The following RNASEH2B variants were observed in gnomAD, a reference collection of about 807,000 sequenced individuals.
The protein encoded by RNASEH2B is Aicardi-Goutieres syndrome 2 protein.
Under a neutral mutation model 45.0 loss-of-function variants are expected in RNASEH2B, and 36 were observed. The observed-to-expected ratio is 0.80, with a 90% CI of 0.61 to 1.06. RNASEH2B has a LOEUF of 1.06. Ranked by LOEUF, RNASEH2B falls within the 50% of genes least tolerant of loss-of-function variation. RNASEH2B has a pLI of 0.00. For synonymous variants in RNASEH2B, 119 were observed against 125.7 expected, an observed-to-expected ratio of 0.95 and a Z score of 0.35; for missense variants, 361 against 360.3, an observed-to-expected ratio of 1.00 and a Z score of -0.02.
intron 1 of RNASEH2B, chr13:50,910,362 C>T (rs900760947): frequency 1.3e-5 from 5 of 389,964 alleles, no homozygotes; most frequent in Non-Finnish European, 2.3e-5. Flanking sequence ...TTTCCCGGGC[C>T]CTGATCCCCG....
At chr13:50,966,885 A>G (rs1952170053) in intron 9 of RNASEH2B, among the ~76,000 whole-genome samples, 1 of 152,220 alleles carries the variant, frequency 6.6e-6, no homozygotes. Flanking sequence ...GTGAACAAAT[A>G]TCTTAATCTT....
chr13:50,918,172 C>T (rs1278106344), intron 1 of RNASEH2B, among the ~76,000 whole-genome samples: 1 of 152,100 alleles, frequency 6.6e-6, no homozygotes, highest in Non-Finnish European at 1.5e-5. Context: ...GAGTCTCACT[C>T]TGTCGCCCAG....
At chr13:50,966,514 A>ATT in intron 9 of RNASEH2B, among the ~76,000 whole-genome samples, 1 of 148,006 alleles carries the variant, frequency 6.8e-6, no homozygotes, top group African/African-American at 2.5e-5. Context: ...CAAGCCATAT[A>ATT]TTTTTTTTTT....
rs777026347 is a variant in RNASEH2B, at chr13:50,947,939, A to G, written c.617-48A>G. On this transcript the variant is annotated intron_variant, in intron 7 of 10. Transcript: ENST00000336617. ...TCAATTTGACTATAAAACCACCATAATTACTATTTTTTTTTTTTGCTTTCA... is the reference window on the plus strand; with the variant it reads ...TCAATTTGACTATAAAACCACCATAGTTACTATTTTTTTTTTTTGCTTTCA... 21 of 1,600,848 alleles carry G rather than the reference A, an allele frequency of 1.3e-5. No individual in the cohort carries two copies. In the Admixed American group the frequency reaches 3.5e-4, roughly 27 times the overall value.
intron 9 of RNASEH2B, chr13:50,969,857 G>A (rs1441315070): frequency 1.4e-6 from 2 of 1,412,768 alleles, no homozygotes; most frequent in African/African-American, 1.4e-5. Flanking sequence ...TCTAGGAGCT[G>A]CAGATGGTGC....
intron 1 of RNASEH2B, among the ~76,000 whole-genome samples, chr13:50,919,933 T>C (rs145299041): frequency 2.6e-5 from 4 of 152,352 alleles, no homozygotes; most frequent in Non-Finnish European, 5.9e-5. Flanking sequence ...CAATTGTCTC[T>C]TTGTCACTGG....
At chr13:50,930,811 T>A (rs775987185) in intron 4 of RNASEH2B, 52 bp downstream of exon 4, 1 of 1,286,654 alleles carries the variant, frequency 7.8e-7, no homozygotes, top group Non-Finnish European at 1.1e-6. Flanking sequence ...TCAACTATTT[T>A]TGTTTGATCT....
chr13:50,942,279 T>C (rs1951842394), intron 5 of RNASEH2B: 1 of 152,216 alleles, frequency 6.6e-6, no homozygotes, highest in African/African-American at 2.4e-5. Context: ...GGGTGGATTG[T>C]GGGGAAGTTA....
rs563518976 is a variant in RNASEH2B, at chr13:50,935,251, C to T, written c.436+252C>T. The T allele has an allele frequency of 8.5e-5, 42 of 495,986 alleles. 1 individual carries two copies. The highest frequency in any genetic ancestry group is 7.7e-4 in the African/African-American group (40 of 51,938). 30.7% of individuals were successfully genotyped at this position (495,986 alleles called of 1,614,324 possible). A position where few individuals can be genotyped will look rare whatever the true frequency, so the allele number is the denominator to read the frequency against. Reference sequence around the variant, plus strand: ...ATCACAAGGTGTGGCTTCAGTCTCACTTCTTCTTTGAACTAGTTCTGTGAC... The same window carrying T: ...ATCACAAGGTGTGGCTTCAGTCTCATTTCTTCTTTGAACTAGTTCTGTGAC... On this transcript the variant is annotated intron_variant, in intron 5 of 10. Coordinates refer to ENST00000336617, the MANE Select transcript of RNASEH2B (RefSeq NM_024570.4).
At chr13:50,948,231 T>TCCTC in intron 8 of RNASEH2B, 163 bp downstream of exon 8, 1 of 1,143,790 alleles carries the variant, frequency 8.7e-7, no homozygotes. Flanking sequence ...TAATGGATGA[T>TCCTC]TGGAATGAAC....
intron 9 of RNASEH2B, chr13:50,953,601 C>T: frequency 2.3e-6 from 1 of 434,434 alleles, no homozygotes. Flanking sequence ...TAGCAATCCC[C>T]TCATGCCCAC....
At chr13:50,912,752 G>A (rs1464455558) in intron 1 of RNASEH2B, 1 of 152,138 alleles carries the variant, frequency 6.6e-6, no homozygotes, top group African/African-American at 2.4e-5. Context: ...GCTTGTATTC[G>A]GTTTTAGAAA....
chr13:50,950,563 G>A (rs2138008951), intron 9 of RNASEH2B: 1 of 152,274 alleles, frequency 6.6e-6, no homozygotes, highest in Admixed American at 6.5e-5. Flanking sequence ...TTTCATTCCG[G>A]TAGTTAATCT....
intron 9 of RNASEH2B, chr13:50,953,062 G>A (rs1951997177): frequency 6.6e-6 from 1 of 152,174 alleles, no homozygotes; most frequent in Non-Finnish European, 1.5e-5. Flanking sequence ...TCAACCTGGT[G>A]TCTCCATAAA....
At chr13:50,959,283 A>T (rs530323136), downstream of RNASEH2B, among the ~76,000 whole-genome samples, 1 of 151,978 alleles carries the variant, frequency 6.6e-6, no homozygotes, top group East Asian at 1.9e-4. Context: ...TTTGCCTTTA[A>T]TTTTGCCTAT....
chr13:50,927,279 T>A, intron 1 of RNASEH2B, 128 bp from the exon 2 acceptor site: 1 of 656,268 alleles, frequency 1.5e-6, no homozygotes, highest in South Asian at 1.6e-5. Context: ...ACAACATTTG[T>A]AAGTGATAAA....
chr13:50,919,839 T>C (rs1951493681), intron 1 of RNASEH2B, among the ~76,000 whole-genome samples: 1 of 152,198 alleles, frequency 6.6e-6, no homozygotes, highest in Admixed American at 6.5e-5. Flanking sequence ...ATGTGACCAA[T>C]ATAGAGGACT....
chr13:50,969,980 G>A lies in RNASEH2B; in HGVS notation c.*16G>A, dbSNP rs559536664. 7.7e-5 allele frequency: 119 copies of A among 1,551,314 alleles called. No homozygotes were observed. The Admixed American group carries it at 9.8e-4, about 13-fold the overall frequency. On this transcript the variant is annotated 3_prime_UTR_variant, in exon 10 of 10. Coordinates refer to the RNASEH2B transcript ENST00000422660. Reference sequence around the variant, plus strand: ...GGGCAAGTGATGGTGGTGGCTCCACGCAAGGCTTGGCGGTTTTCCCTGCAA... The same window carrying A: ...GGGCAAGTGATGGTGGTGGCTCCACACAAGGCTTGGCGGTTTTCCCTGCAA...
intron 9 of RNASEH2B, among the ~76,000 whole-genome samples, chr13:50,963,002 A>C (rs948894223): frequency 1.3e-5 from 2 of 151,910 alleles, no homozygotes; most frequent in African/African-American, 2.4e-5. Context: ...ATTGTCCTCC[A>C]GGTCCTATCA....
Sources: allele counts gnomAD v4.1 joint callset (sites outside exome capture counted in the v4.1 genomes callset), GRCh38; gene constraint gnomAD v4.1.1; transcripts MANE v1.5; gene names NCBI Gene and HGNC (gene_info 2026-07-23, HGNC 2026-07-21).